The following NRXN1 variants were observed in gnomAD, a reference collection of about 807,000 sequenced individuals.
NRXN1 encodes neurexin 1.
In NRXN1, 39 loss-of-function variants were observed where a neutral mutation model predicts 150.9. The observed-to-expected ratio is 0.26, with a 90% confidence interval of 0.20 to 0.34. The LOEUF (loss-of-function observed/expected upper bound fraction) is 0.34, where lower values mean the gene tolerates loss of function less well. Ranked by LOEUF, NRXN1 falls within the 10% of genes least tolerant of loss-of-function variation. NRXN1 has a pLI of 1.00. For missense variants in NRXN1, 1,815 were observed against 1,949.9 expected, an observed-to-expected ratio of 0.93 and a Z score of 1.30; for synonymous variants, 924 against 757.0, an observed-to-expected ratio of 1.22 and a Z score of -3.62.
At chr2:50,766,709 G>C (rs3914726) in intron 5 of NRXN1, among the ~76,000 whole-genome samples, 150,976 of 152,098 alleles carry the variant, frequency 0.99, 74,936 homozygotes, top group Middle Eastern at 1. Context: ...TTTGGATAAG[G>C]TCCCACCAGT....
chr2:50,646,644 A>G (rs1205923348), intron 5 of NRXN1, among the ~76,000 whole-genome samples: 1 of 151,786 alleles, frequency 6.6e-6, no homozygotes, highest in Non-Finnish European at 1.5e-5. Flanking sequence ...CAACTACGGA[A>G]AAGTCCCCTT....
chr2:50,981,067 C>A (rs887161981), intron 2 of NRXN1, among the ~76,000 whole-genome samples: 1 of 152,060 alleles, frequency 6.6e-6, no homozygotes, highest in Admixed American at 6.6e-5. Context: ...TCTGTGATCA[C>A]CTATAATGTA....
intron 18 of NRXN1, among the ~76,000 whole-genome samples, chr2:50,158,369 A>C (rs1212936602): frequency 6.6e-6 from 1 of 151,290 alleles, no homozygotes; most frequent in African/African-American, 2.4e-5. Context: ...AATCATCACT[A>C]TTTGCTGACA....
chr2:50,844,550 A>G (rs1673355894), intron 5 of NRXN1, among the ~76,000 whole-genome samples: 1 of 152,178 alleles, frequency 6.6e-6, no homozygotes, highest in African/African-American at 2.4e-5. Flanking sequence ...GTATTTGGGG[A>G]GCAGCCTTTT....
At chr2:50,522,940 G>A (rs1328581291) in intron 12 of NRXN1, among the ~76,000 whole-genome samples, 1 of 151,202 alleles carries the variant, frequency 6.6e-6, no homozygotes, top group East Asian at 2.0e-4. Context: ...CACCATGCTG[G>A]TCAGGCTGGT....
At position 50,589,506 on chromosome 2, in the gene NRXN1, A is replaced by ACG. The variant is rs1558981864; in HGVS notation, c.1320+30515_1320+30516insCG. Reference sequence around the variant, plus strand: ...TGAGTAGCTAGGACCACAGGTGTGAACCACCATGCCTGGCTAATTTTTGTA... The same window carrying ACG: ...TGAGTAGCTAGGACCACAGGTGTGAACGCCACCATGCCTGGCTAATTTTTGTA... On this transcript the variant is annotated intron_variant, in intron 8 of 22. Transcript: ENST00000401669. 1.7e-5 allele frequency: 2 copies of ACG among 117,652 alleles called. 1 individual carries two copies. The highest frequency in any genetic ancestry group is 3.7e-5 in the Non-Finnish European group (2 of 54,420). The allele number at this position is 117,652 out of a possible 1,614,324, so 7.3% of individuals were successfully genotyped here. A position where few individuals can be genotyped will look rare whatever the true frequency, so the allele number is the denominator to read the frequency against.
chr2:49,922,230 C>A lies in NRXN1; in HGVS notation c.4238G>T (p.Gly1413Val). The change falls in exon 23 of 23, where the codon GGC (glycine) becomes GTC (valine). Residue 1413 changes from glycine (G) to valine (V), a missense_variant. Gly to Val is a moderately radical substitution (Grantham distance 109). Transcript: ENST00000401669. Reference protein sequence around the residue: ...GGLANPTRAGGREPYPGSAEV... With the variant: ...GGLANPTRAGVREPYPGSAEV... ...TGCTGAGCCTGGATACGGCTCTCTG[C>A]CGCCTGCTCGGGTTGGGTTGGCTAT... The A allele has an allele frequency of 1.9e-6, 3 of 1,613,996 alleles. No homozygotes were observed. Among genetic ancestry groups the A allele is most frequent in the South Asian group, 1.1e-5 (1 of 91,074 alleles).
chr2:50,040,316 A>C (rs1466309968), intron 21 of NRXN1, among the ~76,000 whole-genome samples: 7 of 151,232 alleles, frequency 4.6e-5, no homozygotes, highest in African/African-American at 1.7e-4. Flanking sequence ...TAAAGCAACA[A>C]AATTTATATA....
intron 5 of NRXN1, among the ~76,000 whole-genome samples, chr2:50,779,725 G>A (rs1157124523): frequency 5.3e-5 from 8 of 151,922 alleles, no homozygotes; most frequent in Admixed American, 1.3e-4. Flanking sequence ...CTGAGATCGC[G>A]CCACTGCACT....
At chr2:50,096,243 C>T (rs1700201675) in intron 18 of NRXN1, among the ~76,000 whole-genome samples, 1 of 151,988 alleles carries the variant, frequency 6.6e-6, no homozygotes, top group Non-Finnish European at 1.5e-5. Context: ...AAGAGTTTTC[C>T]CTGAAAACAA....
intron 5 of NRXN1, among the ~76,000 whole-genome samples, chr2:50,841,833 A>G (rs1672922636): frequency 6.6e-6 from 1 of 152,122 alleles, no homozygotes; most frequent in Non-Finnish European, 1.5e-5. Flanking sequence ...TTACATAACT[A>G]TTTACTAGCC....
intron 16 of NRXN1, among the ~76,000 whole-genome samples, chr2:50,468,670 G>A (rs1192998065): frequency 1.3e-5 from 2 of 151,366 alleles, no homozygotes; most frequent in African/African-American, 4.8e-5. Context: ...AAGAGGTTAG[G>A]TGTCTCTGCT....
intron 5 of NRXN1, among the ~76,000 whole-genome samples, chr2:50,765,948 C>A (rs1702334252): frequency 6.6e-6 from 1 of 151,978 alleles, no homozygotes; most frequent in South Asian, 2.1e-4. Flanking sequence ...GTCTCAGTGA[C>A]TGATTGGTTT....
intron 5 of NRXN1, among the ~76,000 whole-genome samples, chr2:50,812,924 C>T (rs762211169): frequency 1.3e-5 from 2 of 151,562 alleles, no homozygotes; most frequent in African/African-American, 2.4e-5. Context: ...TCAAAGCTGT[C>T]GCAATAACAT....
At position 50,346,543 on chromosome 2, in the gene NRXN1, GAT is replaced by G. The variant is rs149181613; in HGVS notation, c.3365-109575_3365-109574del. The G allele has an allele frequency of 1.5e-3, 1,211 of 825,376 alleles. 12 individuals carry two copies. The East Asian group carries it at 0.018, about 12-fold the overall frequency. 51.1% of individuals were successfully genotyped at this position (825,376 alleles called of 1,614,324 possible). On this transcript the variant is annotated intron_variant, in intron 17 of 22. Coordinates refer to ENST00000401669, the MANE Select transcript of NRXN1 (RefSeq NM_001330078.2). This position sits in a 1 kb window ranked among gnomAD's most constrained non-coding sequence, Gnocchi z 5.0. ...ATCCCCTTTCTATTGTCTTCAAAGAGATAAGTGGCTCGCACCAAGCACACCCA... is the reference window on the plus strand; with the variant it reads ...ATCCCCTTTCTATTGTCTTCAAAGAGAAGTGGCTCGCACCAAGCACACCCA...
At chr2:50,605,903 T>C (rs992790389) in intron 8 of NRXN1, among the ~76,000 whole-genome samples, 3 of 152,108 alleles carry the variant, frequency 2.0e-5, no homozygotes, top group Admixed American at 6.6e-5. Flanking sequence ...TAAATATCCA[T>C]TGATGGATGA....
chr2:49,930,375 A>G (rs1010743828), intron 22 of NRXN1, among the ~76,000 whole-genome samples: 2 of 152,208 alleles, frequency 1.3e-5, no homozygotes, highest in African/African-American at 4.8e-5. Flanking sequence ...ATACCTCTAA[A>G]ATACAGAGTG....
At chr2:50,148,360 C>T (rs1440230421) in intron 18 of NRXN1, among the ~76,000 whole-genome samples, 1 of 151,410 alleles carries the variant, frequency 6.6e-6, no homozygotes, top group African/African-American at 2.4e-5. Flanking sequence ...CATGAAGTCT[C>T]TATAAGGAGT....
intron 12 of NRXN1, among the ~76,000 whole-genome samples, chr2:50,516,780 A>G (rs1022351968): frequency 6.6e-6 from 1 of 152,016 alleles, no homozygotes; most frequent in African/African-American, 2.4e-5. Flanking sequence ...AAGCAAAGAG[A>G]TAGAGTCCTA....
Sources: gnomAD v4.1 joint callset for allele counts (sites outside exome capture counted in the v4.1 genomes callset) on GRCh38, gnomAD v4.1.1 for gene constraint, Gnocchi (gnomAD v3.1) non-coding constraint, MANE v1.5 for transcripts, NCBI Gene and HGNC (gene_info 2026-07-23, HGNC 2026-07-21) for gene names.